GRIA1: variants seen among roughly 807,000 people sequenced by gnomAD.
GRIA1 encodes the protein glutamate receptor 1.
Under a neutral mutation model 99.2 loss-of-function variants are expected in GRIA1, and 31 were observed. The observed-to-expected ratio is 0.31, with a 90% CI of 0.23 to 0.42. The LOEUF (loss-of-function observed/expected upper bound fraction) is 0.42. GRIA1 is among the 10% of genes least tolerant of loss of function. The probability of loss-of-function intolerance (pLI) is 1.00; values close to 1 mark genes in which losing one functional copy is unlikely to be tolerated. For missense variants in GRIA1, 782 were observed against 1,157.5 expected (o/e 0.68, Z 4.71); for synonymous variants, 438 against 432.4 (o/e 1.01, Z -0.16).
Position 153,654,067 on chromosome 5 carries a change from G to A in GRIA1, c.646-1752G>A, listed in dbSNP as rs544347519. ...TTTGTTACCCTGTATATATTTATCTGTTCACCTATTTATTATGGATCTCCT... is the reference window on the plus strand; with the variant it reads ...TTTGTTACCCTGTATATATTTATCTATTCACCTATTTATTATGGATCTCCT... On this transcript the variant is annotated intron_variant, in intron 4 of 15. Coordinates refer to ENST00000285900, the MANE Select transcript of GRIA1 (RefSeq NM_000827.4). Among the ~76,000 whole-genome samples the A allele has an allele frequency of 1.2e-3, 179 of 152,216 alleles. 1 individual carries two copies. The highest frequency in any genetic ancestry group is 4.2e-3 in the African/African-American group (175 of 41,528).
chr5:153,677,117 G>C lies in GRIA1; in HGVS notation c.985G>C (p.Val329Leu). 6.4e-7 allele frequency: 1 copy of C among 1,569,328 alleles called. No homozygotes were observed. Among genetic ancestry groups the C allele is most frequent in the Admixed American group, 1.8e-5 (1 of 56,308 alleles). The change falls in exon 7 of 16, where the codon GTT becomes CTT. Residue 329 changes from valine (V) to leucine (L), a missense_variant. Coordinates refer to ENST00000285900, the MANE Select transcript of GRIA1 (RefSeq NM_000827.4). ...NAGDCLANPA[V>L]PWGQGIDIQR... ...TGGGGATTGTCTGGCTAACCCAGCT[G>C]TTCCCTGGGGCCAAGGGATCGACAT...
chr5:153,703,962 C>T (rs564200673), intron 10 of GRIA1, among the ~76,000 whole-genome samples: 3 of 152,214 alleles, frequency 2.0e-5, no homozygotes, highest in Non-Finnish European at 4.4e-5. Flanking sequence ...AAGTAAATAC[C>T]TTCTCCCCTG....
intron 8 of GRIA1, among the ~76,000 whole-genome samples, chr5:153,691,691 T>A (rs1332269427): frequency 2.0e-5 from 3 of 152,194 alleles, no homozygotes; most frequent in African/African-American, 7.2e-5. Flanking sequence ...TGTTATAGCA[T>A]CAGATATAGA....
At chr5:153,720,069 T>C (rs1759946307) in intron 11 of GRIA1, among the ~76,000 whole-genome samples, 1 of 152,226 alleles carries the variant, frequency 6.6e-6, no homozygotes, top group African/African-American at 2.4e-5. Context: ...AATCAAAACA[T>C]TAGTTCCTTA....
chr5:153,780,650 A>T (rs2149636782), intron 13 of GRIA1, among the ~76,000 whole-genome samples: 1 of 152,338 alleles, frequency 6.6e-6, no homozygotes, highest in Non-Finnish European at 1.5e-5. Context: ...CTCATCTTCC[A>T]ATCGAGATCT....
At chr5:153,501,649 C>T (rs1043787264) in intron 2 of GRIA1, among the ~76,000 whole-genome samples, 2 of 152,230 alleles carry the variant, frequency 1.3e-5, no homozygotes, top group Non-Finnish European at 1.5e-5. Flanking sequence ...TTGCTGAAGA[C>T]GTCTGGCTTG....
At chr5:153,793,947 GA>G (rs1274311732) in intron 13 of GRIA1, among the ~76,000 whole-genome samples, 1 of 152,174 alleles carries the variant, frequency 6.6e-6, no homozygotes, top group Non-Finnish European at 1.5e-5. Flanking sequence ...AAAGCCTCAG[GA>G]AAATGACTCA....
intron 7 of GRIA1, among the ~76,000 whole-genome samples, chr5:153,682,376 G>C (rs569683006): frequency 6.8e-4 from 103 of 152,342 alleles, no homozygotes; most frequent in African/African-American, 2.3e-3. Flanking sequence ...GTTGACACCT[G>C]ACAAAGATTC....
intron 5 of GRIA1, among the ~76,000 whole-genome samples, chr5:153,662,489 C>T (rs1044139754): frequency 2.0e-5 from 3 of 152,118 alleles, no homozygotes; most frequent in South Asian, 2.1e-4. Flanking sequence ...CCAGGGAGGC[C>T]GCCTCAGCTG....
chr5:153,598,108 A>G (rs1764582266), intron 2 of GRIA1, among the ~76,000 whole-genome samples: 3 of 152,006 alleles, frequency 2.0e-5, no homozygotes, highest in Non-Finnish European at 4.4e-5. Context: ...GTGATTTTAT[A>G]TGTATAATGA....
intron 10 of GRIA1, among the ~76,000 whole-genome samples, chr5:153,703,076 G>C (rs1406695031): frequency 6.6e-6 from 1 of 152,146 alleles, no homozygotes; most frequent in African/African-American, 2.4e-5. Flanking sequence ...AACTTCTGAG[G>C]CCTCTCAGTC....
Position 153,783,182 on chromosome 5 carries a change from A to G in GRIA1, c.2271-11439A>G, listed in dbSNP as rs1015792432. 3.9e-5 allele frequency among the ~76,000 whole-genome samples: 6 copies of G among 152,334 alleles called. No homozygotes were observed. In the South Asian group the frequency reaches 1.2e-3, roughly 32 times the overall value. ...GGCCTCCCCTGCATCCTGTTCACGC[A>G]GTCCTTAGAATTGGCCCAGCTTTTC... On this transcript the variant is annotated intron_variant, in intron 13 of 15. Transcript: ENST00000285900.
intron 14 of GRIA1, among the ~76,000 whole-genome samples, chr5:153,801,538 TC>T (rs1766026212): frequency 6.6e-6 from 1 of 152,258 alleles, no homozygotes; most frequent in Non-Finnish European, 1.5e-5. Context: ...AGCACCCTTT[TC>T]TGTGACCCTG....
intron 2 of GRIA1, among the ~76,000 whole-genome samples, chr5:153,548,798 A>C (rs1217897895): frequency 1.3e-5 from 2 of 152,112 alleles, no homozygotes; most frequent in Non-Finnish European, 2.9e-5. Flanking sequence ...TAGACCTGCT[A>C]TTCATATGTT....
chr5:153,513,873 C>T (rs573496), intron 2 of GRIA1, among the ~76,000 whole-genome samples: 34,312 of 152,068 alleles, frequency 0.23, 4,003 homozygotes, highest in Middle Eastern at 0.41. Flanking sequence ...AATAACAATC[C>T]CTATCACAAG....
chr5:153,805,312 G>A (rs1766354302), intron 15 of GRIA1, among the ~76,000 whole-genome samples: 1 of 152,132 alleles, frequency 6.6e-6, no homozygotes, highest in Non-Finnish European at 1.5e-5. Flanking sequence ...TATAGATTGT[G>A]AGTTCCTTAA....
intron 11 of GRIA1, among the ~76,000 whole-genome samples, chr5:153,758,816 G>A (rs574590783): frequency 4.6e-5 from 7 of 151,892 alleles, no homozygotes; most frequent in South Asian, 2.1e-4. Flanking sequence ...CATAGAAAAC[G>A]AGTATATCAC....
chr5:153,673,106 C>T (rs1246665982), intron 5 of GRIA1, among the ~76,000 whole-genome samples: 1 of 152,196 alleles, frequency 6.6e-6, no homozygotes, highest in African/African-American at 2.4e-5. Flanking sequence ...TCTCTTCAAA[C>T]TCACTGTGCC....
chr5:153,539,857 A>G (rs1160742835), intron 2 of GRIA1, among the ~76,000 whole-genome samples: 2 of 152,236 alleles, frequency 1.3e-5, no homozygotes, highest in African/African-American at 2.4e-5. Context: ...TGAACTGTGA[A>G]TAGGAATCAA....
Sources: gnomAD v4.1 joint callset for allele counts (sites outside exome capture counted in the v4.1 genomes callset) on GRCh38, gnomAD v4.1.1 for gene constraint, MANE v1.5 for transcripts, NCBI Gene and HGNC (gene_info 2026-07-23, HGNC 2026-07-21) for gene names.